Variants in SYNE1 observed in about 807,000 individuals in gnomAD.
SYNE1 encodes the protein spectrin repeat containing nuclear envelope protein 1, also known as nesprin-1.
SYNE1 carries 616 observed loss-of-function variants against 1,111.0 expected under a neutral mutation model. The ratio of observed to expected loss-of-function variants is 0.55; its 90% CI spans 0.52 to 0.59. The LOEUF is 0.59. SYNE1 is among the 20% of genes least tolerant of loss of function. SYNE1 has a pLI of 0.00. For missense variants in SYNE1, 10,006 were observed against 10,417.0 expected (o/e 0.96, Z 1.72); for synonymous variants, 3,855 against 3,825.8 (o/e 1.01, Z -0.28).
intron 3 of SYNE1, among the ~76,000 whole-genome samples, chr6:152,565,893 A>G (rs889247254): frequency 2.0e-5 from 3 of 152,202 alleles, no homozygotes; most frequent in Non-Finnish European, 2.9e-5. Flanking sequence ...GCCTTAAATG[A>G]GGACCAGTCT....
At chr6:152,475,966 T>C (rs1186698327) in intron 14 of SYNE1, among the ~76,000 whole-genome samples, 1 of 152,372 alleles carries the variant, frequency 6.6e-6, no homozygotes, top group East Asian at 1.9e-4. Flanking sequence ...ACACTGTAGC[T>C]GGATTTCCTC....
intron 95 of SYNE1, among the ~76,000 whole-genome samples, chr6:152,290,338 C>T (rs2094541250): frequency 6.6e-6 from 1 of 152,178 alleles, no homozygotes; most frequent in African/African-American, 2.4e-5. Flanking sequence ...AAGTGGATCA[C>T]CTGAGGTCAG....
At chr6:152,533,295 G>A (rs1012940200) in intron 4 of SYNE1, among the ~76,000 whole-genome samples, 5 of 151,590 alleles carry the variant, frequency 3.3e-5, no homozygotes, top group South Asian at 2.1e-4. Context: ...CCACTTCCTC[G>A]ATTATTTAAT....
chr6:152,499,971 G>A (rs1452295575), intron 10 of SYNE1, among the ~76,000 whole-genome samples: 1 of 152,052 alleles, frequency 6.6e-6, no homozygotes, highest in Non-Finnish European at 1.5e-5. Context: ...GAATCTCTAA[G>A]GATTTTTGCA....
At chr6:152,309,651 T>G (rs1307646008) in intron 90 of SYNE1, among the ~76,000 whole-genome samples, 184 bp downstream of exon 90, 1 of 152,232 alleles carries the variant, frequency 6.6e-6, no homozygotes, top group Non-Finnish European at 1.5e-5. Flanking sequence ...TTATATAGCA[T>G]TCCCCAGGCT....
rs1229397934 is a variant in SYNE1, at chr6:152,318,939, G to A, written c.16313C>T (p.Ala5438Val). ...QELSRQIQKL[A>V]KDLTTILTKL... ...AGTTAGAATAGTTGTGAGGTCTTTA[G>A]CTAACTTCTGAATTTGCCGGCTGAG... The change falls in exon 85 of 146, where the codon GCT becomes GTT. Residue 5438 changes from alanine (A) to valine (V), a missense_variant. Physicochemically the swap from Ala to Val is moderately conservative, Grantham distance 64 (BLOSUM62 0). Transcript: ENST00000367255. The A allele has an allele frequency of 3.1e-6, 5 of 1,614,044 alleles. No individual in the cohort carries two copies. In the Admixed American group the frequency reaches 5.0e-5, roughly 16 times the overall value.
chr6:152,488,615 C>T lies in SYNE1; in HGVS notation c.940-112G>A, dbSNP rs1260048685. 8.2e-5 allele frequency: 54 copies of T among 660,846 alleles called. No individual in the cohort carries two copies. In the East Asian group the frequency reaches 1.4e-3, roughly 18 times the overall value. 40.9% of individuals were successfully genotyped at this position (660,846 alleles called of 1,614,324 possible). A position where few individuals can be genotyped will look rare whatever the true frequency, so the allele number is the denominator to read the frequency against. On this transcript the variant is annotated intron_variant, in intron 11 of 145. Transcript: ENST00000367255. ...TTAATATTTAGTAAGTCCCAACTGT[C>T]TCTGAAAAATTTCCTTTCTCCTTAC...
intron 91 of SYNE1, among the ~76,000 whole-genome samples, chr6:152,306,562 AT>A (rs1247729393): frequency 6.6e-6 from 1 of 151,674 alleles, no homozygotes; most frequent in African/African-American, 2.4e-5. Flanking sequence ...GTGATGTAAA[AT>A]TTTGTAAGTT....
At chr6:152,263,100 G>A (rs1675647078) in intron 100 of SYNE1, among the ~76,000 whole-genome samples, 1 of 151,434 alleles carries the variant, frequency 6.6e-6, no homozygotes, top group Non-Finnish European at 1.5e-5. Context: ...GACACGGAAA[G>A]ATAGTACAGG....
At chr6:152,187,719 T>TTC (rs2070620169) in intron 128 of SYNE1, among the ~76,000 whole-genome samples, 1 of 148,774 alleles carries the variant, frequency 6.7e-6, no homozygotes, top group African/African-American at 2.5e-5. Context: ...TTTATACAGT[T>TTC]TGTGTGTGTG....
At chr6:152,233,990 A>G (rs1186090008) in intron 111 of SYNE1, 27 bp from the exon 112 acceptor site, 1 of 1,610,300 alleles carries the variant, frequency 6.2e-7, no homozygotes, top group Non-Finnish European at 8.5e-7. Context: ...TGTTCAAATT[A>G]GGGTTAAATA....
At chr6:152,592,912 TG>T (rs2099571026) in intron 3 of SYNE1, among the ~76,000 whole-genome samples, 1 of 152,124 alleles carries the variant, frequency 6.6e-6, no homozygotes, top group Admixed American at 6.5e-5. Context: ...TGGGTGTGAG[TG>T]TGCCCTGCAA....
intron 42 of SYNE1, among the ~76,000 whole-genome samples, chr6:152,412,817 C>A (rs2098085683): frequency 1.3e-5 from 2 of 150,980 alleles, no homozygotes; most frequent in African/African-American, 4.9e-5. Flanking sequence ...TAACTGTTGA[C>A]AACTCCTGCT....
chr6:152,365,493 T>C (rs2097056806), intron 62 of SYNE1, among the ~76,000 whole-genome samples: 1 of 152,188 alleles, frequency 6.6e-6, no homozygotes, highest in Non-Finnish European at 1.5e-5. Context: ...AGAGTCTATC[T>C]TTCTCTCCCA....
intron 52 of SYNE1, among the ~76,000 whole-genome samples, 168 bp from the exon 53 acceptor site, chr6:152,390,620 T>C (rs1422179684): frequency 6.6e-6 from 1 of 152,208 alleles, no homozygotes; most frequent in Non-Finnish European, 1.5e-5. Flanking sequence ...CAAAATTAGG[T>C]ATCTGGGAGT....
At chr6:152,606,886 C>T (rs1371436297) in intron 3 of SYNE1, among the ~76,000 whole-genome samples, 1 of 150,280 alleles carries the variant, frequency 6.7e-6, no homozygotes, top group Non-Finnish European at 1.5e-5. Flanking sequence ...GATCTCCTGA[C>T]CTTGTGATCC....
intron 98 of SYNE1, among the ~76,000 whole-genome samples, chr6:152,274,243 G>A (rs1362339447): frequency 2.0e-5 from 3 of 152,144 alleles, no homozygotes; most frequent in Admixed American, 1.3e-4. Context: ...ATTTTCAAGT[G>A]TGTAAATCCA....
In SYNE1 at chr6:152,233,826, A is replaced by T; in HGVS notation, c.20667T>A (p.Thr6889=). The T allele has an allele frequency of 6.2e-7, 1 of 1,614,180 alleles. No homozygotes were observed. Among genetic ancestry groups the T allele is most frequent in the Non-Finnish European group, 8.5e-7 (1 of 1,180,036 alleles). The part of the protein sequence containing the change: ...SELSRIDSQW[T]DLLTNIPAVQ... The stretch of plus-strand genomic sequence containing the variant: ...CGGCTGGGATATTGGTTAGCAGGTC[A>T]GTCCACTGGCTATCAATGCGCGACA... Residue 6889 remains threonine (T), a synonymous_variant, in exon 112 of 146, where the codon ACT becomes ACA. Transcript: ENST00000367255.
chr6:152,399,889 T>C, intron 47 of SYNE1, 66 bp from the exon 48 acceptor site: 5 of 1,526,604 alleles, frequency 3.3e-6, no homozygotes, highest in Non-Finnish European at 3.6e-6. Context: ...TTTACTTCAC[T>C]ATGGTACTGT....
Sources: gnomAD v4.1 joint callset for allele counts (sites outside exome capture counted in the v4.1 genomes callset) on GRCh38, gnomAD v4.1.1 for gene constraint, MANE v1.5 for transcripts, NCBI Gene and HGNC (gene_info 2026-07-23, HGNC 2026-07-21) for gene names.